Variants in TMC1 observed in about 807,000 individuals in gnomAD.
The protein encoded by TMC1 is transmembrane channel-like protein 1.
Under a neutral mutation model 105.8 loss-of-function variants are expected in TMC1, and 84 were observed. That is an observed-to-expected ratio of 0.79 (90% CI 0.67 to 0.95). The LOEUF is 0.95. TMC1 is among the 40% of genes least tolerant of loss of function. TMC1 has a pLI of 0.00. For missense variants in TMC1, 817 were observed against 914.1 expected (o/e 0.89, Z 1.37); for synonymous variants, 315 against 311.5 (o/e 1.01, Z -0.12).
At chr9:72,795,441 A>C (rs1168473056) in intron 17 of TMC1, among the ~76,000 whole-genome samples, 1 of 152,210 alleles carries the variant, frequency 6.6e-6, no homozygotes, top group Admixed American at 6.5e-5. Context: ...GGCTAACAGC[A>C]GATGTCTCAG....
At chr9:72,567,168 T>C (rs544687175) in intron 1 of TMC1, among the ~76,000 whole-genome samples, 2 of 152,232 alleles carry the variant, frequency 1.3e-5, no homozygotes, top group Admixed American at 6.5e-5. Context: ...CCTGGGAACA[T>C]TTTCCTGACT....
chr9:72,685,054 G>A (rs1826353107), intron 5 of TMC1, among the ~76,000 whole-genome samples: 1 of 149,366 alleles, frequency 6.7e-6, no homozygotes, highest in African/African-American at 2.5e-5. Context: ...GTAGGCTGGA[G>A]AAGAAACCCA....
chr9:72,816,154 C>G lies in TMC1; in HGVS notation c.1707C>G (p.Thr569=), dbSNP rs760464772. ...TGTGTCTCCTCTAGCCTTCATACAC[C>G]GAATTCGACATCAGTGGCAACGTCC... ...WDLEYGYPSY[T]EFDISGNVLA... Residue 569 remains threonine, a synonymous_variant, in exon 19 of 24, where the codon ACC becomes ACG. Coordinates refer to ENST00000297784, the MANE Select transcript of TMC1 (RefSeq NM_138691.3). 6 of 1,613,384 alleles carry G rather than the reference C, an allele frequency of 3.7e-6. No individual in the cohort carries two copies. The highest frequency in any genetic ancestry group is 3.3e-5 in the South Asian group (3 of 91,066).
intron 8 of TMC1, among the ~76,000 whole-genome samples, chr9:72,713,122 G>T (rs925882102): frequency 6.6e-6 from 1 of 152,168 alleles, no homozygotes; most frequent in African/African-American, 2.4e-5. Context: ...CCAGGATGAA[G>T]CCAGCTTGAT....
At chr9:72,648,892 G>A (rs1825757730) in intron 5 of TMC1, among the ~76,000 whole-genome samples, 1 of 152,052 alleles carries the variant, frequency 6.6e-6, no homozygotes, top group Admixed American at 6.6e-5. Flanking sequence ...TCACCAACTG[G>A]TAAGTGCTAA....
At chr9:72,654,153 GT>G (rs1399100654) in intron 5 of TMC1, among the ~76,000 whole-genome samples, 1 of 152,178 alleles carries the variant, frequency 6.6e-6, no homozygotes, top group African/African-American at 2.4e-5. Flanking sequence ...TACAGTAAGT[GT>G]TTGATTAACT....
chr9:72,677,974 A>G (rs1826228489), intron 5 of TMC1, among the ~76,000 whole-genome samples: 1 of 152,152 alleles, frequency 6.6e-6, no homozygotes, highest in African/African-American at 2.4e-5. Context: ...AAAGAATAAC[A>G]TTGATGGCAG....
chr9:72,794,525 C>A (rs1291697831), intron 17 of TMC1, among the ~76,000 whole-genome samples: 1 of 152,186 alleles, frequency 6.6e-6, no homozygotes, highest in Admixed American at 6.5e-5. Context: ...ATCTCACTAA[C>A]ATACCCCCCT....
At chr9:72,759,042 A>T (rs1827713147) in intron 12 of TMC1, among the ~76,000 whole-genome samples, 6 of 152,190 alleles carry the variant, frequency 3.9e-5, no homozygotes, top group Admixed American at 3.9e-4. Flanking sequence ...AAAAGGGGAC[A>T]TTGAGGTAAC....
intron 5 of TMC1, among the ~76,000 whole-genome samples, chr9:72,655,562 G>A (rs1337350472): frequency 6.6e-6 from 1 of 151,942 alleles, no homozygotes; most frequent in Non-Finnish European, 1.5e-5. Context: ...TCAACATGGT[G>A]AAACCCAGTC....
chr9:72,782,942 A>T (rs1198146882), intron 13 of TMC1, among the ~76,000 whole-genome samples: 1 of 152,182 alleles, frequency 6.6e-6, no homozygotes, highest in Non-Finnish European at 1.5e-5. Flanking sequence ...ACTATTTAAC[A>T]TTCATATGGA....
intron 13 of TMC1, among the ~76,000 whole-genome samples, chr9:72,782,263 C>A (rs1828104989): frequency 6.6e-6 from 1 of 152,248 alleles, no homozygotes; most frequent in Non-Finnish European, 1.5e-5. Context: ...ATTCAACATC[C>A]TTTCATGTTA....
chr9:72,788,568 T>C lies in TMC1; in HGVS notation c.1029+85T>C, dbSNP rs55846842. ...TTCCATCTGGTCCAGTAGTGCAGTA[T>C]CTTGACAATTTACATGAAAGATTAA... is the stretch of plus-strand genomic sequence containing the variant. On this transcript the variant is annotated intron_variant, in intron 14 of 23. Transcript: ENST00000297784. 161,333 of 1,363,912 alleles carry C rather than the reference T, an allele frequency of 0.12. 10,688 individuals are homozygous for C. The highest frequency in any genetic ancestry group is 0.14 in the Non-Finnish European group (132,094 of 957,976). 84.5% of individuals were successfully genotyped at this position (1,363,912 alleles called of 1,614,324 possible).
chr9:72,586,645 C>T (rs978599769), intron 2 of TMC1, among the ~76,000 whole-genome samples: 3 of 152,170 alleles, frequency 2.0e-5, no homozygotes, highest in Admixed American at 1.3e-4. Context: ...GTGCACTGCC[C>T]AGCCATTTGC....
At chr9:72,593,821 T>C (rs1156279941) in intron 2 of TMC1, among the ~76,000 whole-genome samples, 1 of 152,188 alleles carries the variant, frequency 6.6e-6, no homozygotes, top group Admixed American at 6.5e-5. Flanking sequence ...TGGATATTGC[T>C]CATCTCTGGC....
intron 13 of TMC1, among the ~76,000 whole-genome samples, chr9:72,787,184 C>G (rs900774926): frequency 6.6e-6 from 1 of 152,104 alleles, no homozygotes; most frequent in South Asian, 2.1e-4. Flanking sequence ...GCTTCCTTAT[C>G]TGTAAAAAGG....
chr9:72,586,720 C>T (rs949785441), intron 2 of TMC1, among the ~76,000 whole-genome samples: 1 of 152,144 alleles, frequency 6.6e-6, no homozygotes, highest in Non-Finnish European at 1.5e-5. Context: ...TGCCATGTCA[C>T]TTGGTATAAC....
At chr9:72,753,401 T>A (rs189434211) in intron 11 of TMC1, among the ~76,000 whole-genome samples, 88 of 152,030 alleles carry the variant, frequency 5.8e-4, no homozygotes, top group Non-Finnish European at 1.0e-3. Context: ...AATGGAGTTT[T>A]ATCAGCAGCA....
intron 13 of TMC1, among the ~76,000 whole-genome samples, chr9:72,775,840 T>A (rs1330981180): frequency 6.6e-6 from 1 of 152,034 alleles, no homozygotes; most frequent in East Asian, 1.9e-4. Flanking sequence ...TGTGCAGAGA[T>A]CACGATGGTG....
Sources: allele counts gnomAD v4.1 joint callset (sites outside exome capture counted in the v4.1 genomes callset), GRCh38; gene constraint gnomAD v4.1.1; transcripts MANE v1.5; gene names NCBI Gene and HGNC (gene_info 2026-07-23, HGNC 2026-07-21).